Variants in AIG1 observed in about 807,000 individuals in gnomAD.
AIG1 encodes the protein androgen induced 1.
A neutral mutation model predicts 31.4 loss-of-function variants in AIG1; 23 were observed. That is an observed-to-expected ratio of 0.73 (90% confidence interval 0.53 to 1.04). AIG1 has a LOEUF of 1.04. Ranked by LOEUF, AIG1 falls within the 50% of genes least tolerant of loss-of-function variation. The probability of loss-of-function intolerance (pLI) is 0.00; values close to 1 mark genes in which losing one functional copy is unlikely to be tolerated. For synonymous variants in AIG1, 100 were observed against 110.5 expected (o/e 0.90, Z 0.60); for missense variants, 274 against 295.0 (o/e 0.93, Z 0.52).
At chr6:143,095,837 A>G (rs759878118) in intron 1 of AIG1, among the ~76,000 whole-genome samples, 2 of 151,944 alleles carry the variant, frequency 1.3e-5, no homozygotes, top group Admixed American at 1.3e-4. Context: ...AAATGTCACT[A>G]ATTTGCAGAC....
chr6:143,180,098 T>G (rs1267079779), intron 3 of AIG1, among the ~76,000 whole-genome samples: 2 of 152,268 alleles, frequency 1.3e-5, no homozygotes, highest in African/African-American at 4.8e-5. Context: ...ACAGGTGGTG[T>G]TAGCAAATGA....
chr6:143,099,444 G>A (rs1347354883), intron 1 of AIG1: 2 of 152,186 alleles, frequency 1.3e-5, no homozygotes, highest in East Asian at 1.9e-4. Context: ...TGCATGATAT[G>A]TGCATAAGTT....
chr6:143,267,658 C>G lies in AIG1; in HGVS notation c.400-16452C>G, dbSNP rs17072410. Among the ~76,000 whole-genome samples, 1,438 of 152,212 alleles carry G rather than the reference C, an allele frequency of 9.4e-3. 43 individuals carry two copies. The highest frequency in any genetic ancestry group is 0.065 in the East Asian group (338 of 5,186). On this transcript the variant is annotated intron_variant, in intron 3 of 5. Coordinates refer to ENST00000357847, the MANE Select transcript of AIG1 (RefSeq NM_016108.4). ...ATCTTGGTTCCTTCTTCAGTGGCTA[C>G]CAGATATCATAGACTTATGACTATC...
At chr6:143,307,001 G>T (rs866600829) in intron 4 of AIG1, among the ~76,000 whole-genome samples, 1 of 152,064 alleles carries the variant, frequency 6.6e-6, no homozygotes, top group Non-Finnish European at 1.5e-5. Context: ...ATCGGCTCCT[G>T]AGGCTTCTGC....
At chr6:143,078,152 C>T (rs977229531) in intron 1 of AIG1, among the ~76,000 whole-genome samples, 5 of 152,224 alleles carry the variant, frequency 3.3e-5, no homozygotes, top group Non-Finnish European at 7.3e-5. Flanking sequence ...ATTGCTATTG[C>T]ATCCATCTAG....
intron 4 of AIG1, among the ~76,000 whole-genome samples, chr6:143,290,432 G>T (rs959158299): frequency 6.6e-6 from 1 of 152,208 alleles, no homozygotes; most frequent in Non-Finnish European, 1.5e-5. Context: ...CCAGCACTTG[G>T]CAGGGGCCGC....
In AIG1 at chr6:143,272,501, T is replaced by C. The variant is rs1162369884; in HGVS notation, c.400-11609T>C. Among the ~76,000 whole-genome samples, 3 of 152,216 alleles carry C rather than the reference T, an allele frequency of 2.0e-5. No individual in the cohort carries two copies. The East Asian group carries it at 5.8e-4, about 29-fold the overall frequency. On this transcript the variant is annotated intron_variant, in intron 3 of 5. Coordinates refer to ENST00000357847, the MANE Select transcript of AIG1 (RefSeq NM_016108.4). ...GCTTTTAAATGCACTGGCCTAAGAG[T>C]GTCCACATCGCTTCTGTTAATAATA... is the stretch of plus-strand genomic sequence containing the variant.
At chr6:143,108,185 G>A (rs1426801393) in intron 1 of AIG1, among the ~76,000 whole-genome samples, 1 of 152,126 alleles carries the variant, frequency 6.6e-6, no homozygotes, top group African/African-American at 2.4e-5. Context: ...TACTGCATAA[G>A]CACATTGTAA....
At chr6:143,135,895 T>C (rs1361052847) in intron 1 of AIG1, among the ~76,000 whole-genome samples, 1 of 152,082 alleles carries the variant, frequency 6.6e-6, no homozygotes, top group African/African-American at 2.4e-5. Context: ...GCCAGAAAAA[T>C]TTTCCTGAAT....
In AIG1 at chr6:143,109,253, A is replaced by G. The variant is rs577739518; in HGVS notation, c.142-27582A>G. On this transcript the variant is annotated intron_variant, in intron 1 of 5. Transcript: ENST00000357847. ...ACAAGATTCCATTTTGTATGTTTTAAAATTTATACTCCATTCTATTGCTGA... is the reference window on the plus strand; with the variant it reads ...ACAAGATTCCATTTTGTATGTTTTAGAATTTATACTCCATTCTATTGCTGA... Among the ~76,000 whole-genome samples the G allele has an allele frequency of 1.9e-4, 29 of 152,246 alleles. No homozygotes were observed. In the South Asian group the frequency reaches 6.0e-3, roughly 32 times the overall value.
intron 4 of AIG1, among the ~76,000 whole-genome samples, chr6:143,307,217 C>T (rs1482544031): frequency 2.0e-5 from 3 of 152,352 alleles, no homozygotes; most frequent in Middle Eastern, 3.4e-3. Context: ...AGTCATTCTC[C>T]ATCCAGCTTT....
At chr6:143,085,263 G>A (rs771993734) in intron 1 of AIG1, among the ~76,000 whole-genome samples, 3 of 152,136 alleles carry the variant, frequency 2.0e-5, no homozygotes, top group Non-Finnish European at 4.4e-5. Flanking sequence ...AGAACATAGG[G>A]ATGCCAGCAC....
chr6:143,061,154 G>A (rs931692803), intron 1 of AIG1, 88 bp downstream of exon 1: 13 of 1,482,656 alleles, frequency 8.8e-6, no homozygotes, highest in Middle Eastern at 1.7e-4. Context: ...GTGTGGATGC[G>A]CGAGCACCTG....
intron 3 of AIG1, among the ~76,000 whole-genome samples, chr6:143,220,846 G>T (rs1792442980): frequency 6.6e-6 from 1 of 152,024 alleles, no homozygotes; most frequent in South Asian, 2.1e-4. Context: ...TTCTTATCTT[G>T]AGCTAAAATC....
chr6:143,330,324 A>T lies in AIG1; in HGVS notation c.516-2958A>T, dbSNP rs1383354246. Among the ~76,000 whole-genome samples, 1 of 152,162 alleles carries T rather than the reference A, an allele frequency of 6.6e-6. No homozygotes were observed. The highest frequency in any genetic ancestry group is 1.9e-4 in the East Asian group (1 of 5,196). ...TGAGGGTAGAGGTTGCAATTTTTAG[A>T]TACAGTGGCCAGGGAAGACATCACT... On this transcript the variant is annotated intron_variant, in intron 4 of 5. Coordinates refer to ENST00000357847, the MANE Select transcript of AIG1 (RefSeq NM_016108.4). This position sits in a 1 kb window ranked among gnomAD's most constrained non-coding sequence, Gnocchi z 4.4.
chr6:143,255,242 G>A (rs928002482), intron 3 of AIG1, among the ~76,000 whole-genome samples: 2 of 152,182 alleles, frequency 1.3e-5, no homozygotes, highest in African/African-American at 2.4e-5. Flanking sequence ...GGTTCTTTCA[G>A]TTATGAGGTA....
At position 143,153,074 on chromosome 6, in the gene AIG1, C is replaced by T. The variant is rs7775793; in HGVS notation, c.298-12008C>T. Among the ~76,000 whole-genome samples the T allele has an allele frequency of 4.1e-3, 622 of 152,096 alleles. 5 individuals are homozygous for T. Among genetic ancestry groups the T allele is most frequent in the African/African-American group, 0.014 (573 of 41,462 alleles). On this transcript the variant is annotated intron_variant, in intron 2 of 5. Transcript: ENST00000357847. ...AGAGACCCCATCTGCAAATCCAGAG[C>T]GACAACTGGTCACAGGGATCCATCC...
At chr6:143,201,097 G>A (rs1167768420) in intron 3 of AIG1, among the ~76,000 whole-genome samples, 1 of 152,010 alleles carries the variant, frequency 6.6e-6, no homozygotes, top group Non-Finnish European at 1.5e-5. Context: ...AGAGTCCATG[G>A]GACAATTCTA....
Position 143,327,235 on chromosome 6 carries a change from C to G in AIG1, c.516-6047C>G, listed in dbSNP as rs1471773965. Reference sequence around the variant, plus strand: ...TGATAAGACAAGCTAATGGATTGGACAATCGCTACACTCTTCCTTTCCAAC... The same window carrying G: ...TGATAAGACAAGCTAATGGATTGGAGAATCGCTACACTCTTCCTTTCCAAC... On this transcript the variant is annotated intron_variant, in intron 4 of 5. Coordinates refer to ENST00000357847, the MANE Select transcript of AIG1 (RefSeq NM_016108.4). The surrounding 1 kb of genome is among the most constrained non-coding windows in gnomAD (Gnocchi z 5.3). 1.1e-5 allele frequency: 2 copies of G among 186,234 alleles called. No homozygotes were observed. 11.5% of individuals were successfully genotyped at this position (186,234 alleles called of 1,614,324 possible). A position where few individuals can be genotyped will look rare whatever the true frequency, so the allele number is the denominator to read the frequency against.
Sources: gnomAD v4.1 joint callset for allele counts (sites outside exome capture counted in the v4.1 genomes callset) on GRCh38, gnomAD v4.1.1 for gene constraint, Gnocchi (gnomAD v3.1) non-coding constraint, MANE v1.5 for transcripts, NCBI Gene and HGNC (gene_info 2026-07-23, HGNC 2026-07-21) for gene names.